COX10: variants seen among roughly 807,000 people sequenced by gnomAD.
COX10 encodes cytochrome c oxidase assembly factor heme A:farnesyltransferase COX10, also known as protoheme IX farnesyltransferase, mitochondrial.
In COX10, 27 loss-of-function variants were observed where a neutral mutation model predicts 37.3. The observed-to-expected ratio is 0.72, with a 90% CI of 0.53 to 1.00. COX10 has a LOEUF of 1.00. Ranked by LOEUF, COX10 falls within the 50% of genes least tolerant of loss-of-function variation. COX10 has a pLI of 0.00. For synonymous variants in COX10, 222 were observed against 229.1 expected (o/e 0.97, Z 0.28); for missense variants, 475 against 563.2 (o/e 0.84, Z 1.59).
chr17:14,104,719 C>T (rs1310104548), intron 4 of COX10, among the ~76,000 whole-genome samples: 2 of 151,890 alleles, frequency 1.3e-5, no homozygotes, highest in Non-Finnish European at 2.9e-5. Context: ...TTTCTGTGAT[C>T]TCTGTGAAAG....
At chr17:14,206,205 G>A (rs940419545) in intron 6 of COX10, among the ~76,000 whole-genome samples, 3 of 152,100 alleles carry the variant, frequency 2.0e-5, no homozygotes, top group African/African-American at 7.2e-5. Flanking sequence ...CTGTGTCAGT[G>A]CTGAGCCAGG....
At chr17:14,082,374 G>A (rs1341456729) in intron 3 of COX10, among the ~76,000 whole-genome samples, 1 of 152,214 alleles carries the variant, frequency 6.6e-6, no homozygotes, top group African/African-American at 2.4e-5. Flanking sequence ...TAGGAAGTCA[G>A]TGTTGACTGG....
intron 4 of COX10, among the ~76,000 whole-genome samples, chr17:14,155,693 C>T (rs1905024074): frequency 2.0e-5 from 3 of 146,814 alleles, no homozygotes; most frequent in South Asian, 4.3e-4. Context: ...CCAGCCTGGG[C>T]GATAGAGTGA....
chr17:14,077,207 A>G (rs988450020), intron 3 of COX10, 151 bp downstream of exon 3: 1 of 707,064 alleles, frequency 1.4e-6, no homozygotes, highest in South Asian at 1.9e-5. Context: ...GGGATTTGAA[A>G]TTAAATTTTC....
At chr17:14,138,181 C>T (rs993541999) in intron 4 of COX10, among the ~76,000 whole-genome samples, 1 of 152,132 alleles carries the variant, frequency 6.6e-6, no homozygotes, top group Middle Eastern at 3.4e-3. Flanking sequence ...CACACATGCA[C>T]AAATAGACAC....
rs755563058 is a variant in COX10, at chr17:14,192,008, T to C, written c.715T>C (p.Phe239Leu). 5.0e-6 allele frequency: 8 copies of C among 1,614,218 alleles called. No homozygotes were observed. In the South Asian group the frequency reaches 8.8e-5, roughly 18 times the overall value. The stretch of plus-strand genomic sequence containing the variant: ...TTCCAGCCCATTGCTAGCTGTGTCC[T>C]TTGCCACTTGTTGTGCTGTTCCGGG... ...GQISPLLAVS[F>L]ATCCAVPGVA... is the part of the protein sequence containing the mutation. Residue 239 changes from phenylalanine to leucine, a missense_variant, in exon 6 of 7, where the codon TTT becomes CTT. Transcript: ENST00000261643.
intron 1 of COX10, among the ~76,000 whole-genome samples, chr17:14,072,830 C>T (rs531283168): frequency 7.9e-5 from 12 of 152,228 alleles, no homozygotes; most frequent in African/African-American, 2.9e-4. Context: ...AACATCATTT[C>T]CTTATTATAT....
At chr17:14,156,898 A>C (rs181265487) in intron 4 of COX10, among the ~76,000 whole-genome samples, 59 of 152,284 alleles carry the variant, frequency 3.9e-4, no homozygotes, top group Admixed American at 1.1e-3. Context: ...CTAGTGGATT[A>C]GGGGTTGGCA....
At chr17:14,186,549 C>T (rs1906034047) in intron 5 of COX10, among the ~76,000 whole-genome samples, 1 of 151,906 alleles carries the variant, frequency 6.6e-6, no homozygotes, top group Non-Finnish European at 1.5e-5. Flanking sequence ...CCTGCTGTGC[C>T]ACACATGCTT....
intron 5 of COX10, among the ~76,000 whole-genome samples, chr17:14,170,777 A>G (rs1255270696): frequency 6.6e-6 from 1 of 152,304 alleles, no homozygotes; most frequent in East Asian, 1.9e-4. Flanking sequence ...TGATTGCACC[A>G]CTGTACTCCA....
chr17:14,151,528 C>CACACACACACACACAT (rs1216041924), intron 4 of COX10, among the ~76,000 whole-genome samples: 4 of 250 alleles, frequency 0.016, no homozygotes, highest in Non-Finnish European at 0.04. Context: ...CCTGAACTAA[C>CACACACACACACACAT]ACACACACAC....
intron 3 of COX10, among the ~76,000 whole-genome samples, chr17:14,101,279 G>A (rs1433878403): frequency 6.6e-6 from 1 of 152,130 alleles, no homozygotes; most frequent in African/African-American, 2.4e-5. Flanking sequence ...AATTATCCAT[G>A]TACCTGTAAT....
chr17:14,195,989 T>C (rs2142265771), intron 6 of COX10, among the ~76,000 whole-genome samples: 1 of 152,260 alleles, frequency 6.6e-6, no homozygotes, highest in Middle Eastern at 3.4e-3. Flanking sequence ...AGGGGATATC[T>C]CTCATCTGGG....
intron 4 of COX10, among the ~76,000 whole-genome samples, chr17:14,116,973 G>A (rs935630044): frequency 1.3e-5 from 2 of 152,046 alleles, no homozygotes; most frequent in African/African-American, 4.8e-5. Flanking sequence ...TTCACACACT[G>A]GTCAACACAT....
At chr17:14,147,556 A>G (rs1904759554) in intron 4 of COX10, among the ~76,000 whole-genome samples, 1 of 152,124 alleles carries the variant, frequency 6.6e-6, no homozygotes, top group Admixed American at 6.5e-5. Flanking sequence ...GGATGAATGA[A>G]TAAGACCTAG....
intron 5 of COX10, among the ~76,000 whole-genome samples, chr17:14,182,485 A>G (rs1306621914): frequency 6.6e-6 from 1 of 151,998 alleles, no homozygotes; most frequent in Non-Finnish European, 1.5e-5. Flanking sequence ...AATTTACATC[A>G]GTCGTCTGCC....
chr17:14,158,945 G>A (rs1256169765), intron 4 of COX10, among the ~76,000 whole-genome samples: 2 of 152,154 alleles, frequency 1.3e-5, no homozygotes, highest in East Asian at 3.8e-4. Flanking sequence ...ACCAAAAAAG[G>A]AGACAAGTAA....
At chr17:14,102,382 G>T in intron 4 of COX10, 140 bp downstream of exon 4, 1 of 1,306,310 alleles carries the variant, frequency 7.7e-7, no homozygotes, top group Non-Finnish European at 1.1e-6. Context: ...AGGAGCCTGT[G>T]GGTTTCATAA....
intron 5 of COX10, among the ~76,000 whole-genome samples, chr17:14,170,386 C>T (rs959020187): frequency 1.3e-5 from 2 of 152,132 alleles, no homozygotes; most frequent in Non-Finnish European, 2.9e-5. Flanking sequence ...TAATAAATAA[C>T]ATGTCAGTCT....
Sources: allele counts gnomAD v4.1 joint callset (sites outside exome capture counted in the v4.1 genomes callset), GRCh38; gene constraint gnomAD v4.1.1; transcripts MANE v1.5; gene names NCBI Gene and HGNC (gene_info 2026-07-23, HGNC 2026-07-21).